GRAMD1C: variants seen among roughly 807,000 people sequenced by gnomAD.
The protein encoded by GRAMD1C is GRAM domain containing 1C, also known as protein Aster-C.
In GRAMD1C, 89 loss-of-function variants were observed where a neutral mutation model predicts 97.8. The observed-to-expected ratio is 0.91, with a 90% CI of 0.77 to 1.09. The LOEUF (loss-of-function observed/expected upper bound fraction) is 1.09. GRAMD1C is among the 50% of genes least tolerant of loss of function. The probability of loss-of-function intolerance (pLI) is 0.00; values close to 1 mark genes in which losing one functional copy is unlikely to be tolerated. For synonymous variants in GRAMD1C, 256 were observed against 267.0 expected, an observed-to-expected ratio of 0.96 and a Z score of 0.40; for missense variants, 740 against 766.4, an observed-to-expected ratio of 0.97 and a Z score of 0.41.
chr3:113,877,472 A>C (rs1011786332), intron 5 of GRAMD1C, among the ~76,000 whole-genome samples: 1 of 152,182 alleles, frequency 6.6e-6, no homozygotes, highest in Non-Finnish European at 1.5e-5. Context: ...ATTTCCTGGA[A>C]GAGCTCTTTC....
chr3:113,874,257 A>C (rs1457507893), intron 3 of GRAMD1C, among the ~76,000 whole-genome samples: 4 of 152,222 alleles, frequency 2.6e-5, no homozygotes, highest in African/African-American at 9.6e-5. Context: ...AGTACAGTTT[A>C]CATTCTCCAC....
chr3:113,849,061 G>C (rs559896014), intron 2 of GRAMD1C, among the ~76,000 whole-genome samples: 4 of 152,012 alleles, frequency 2.6e-5, no homozygotes, highest in Non-Finnish European at 4.4e-5. Flanking sequence ...TATATTCCAT[G>C]TGGATTAAGA....
At chr3:113,885,704 C>CTA in intron 6 of GRAMD1C, 2 of 1,534,730 alleles carry the variant, frequency 1.3e-6, no homozygotes, top group Non-Finnish European at 1.8e-6. Flanking sequence ...GCATGGAGAT[C>CTA]TATGGCTTTG....
intron 2 of GRAMD1C, among the ~76,000 whole-genome samples, chr3:113,866,307 A>C (rs1025400): frequency 0.62 from 94,085 of 152,022 alleles, 29,326 homozygotes; most frequent in Middle Eastern, 0.75. Context: ...ATTATTATGA[A>C]ATCTCTCTTA....
intron 3 of GRAMD1C, among the ~76,000 whole-genome samples, chr3:113,872,391 C>CTTTTTT (rs777339692): frequency 1.1e-4 from 13 of 117,454 alleles, no homozygotes; most frequent in East Asian, 2.4e-4. Context: ...TCTTTTTTTT[C>CTTTTTT]TTTTTTTTTT....
intron 3 of GRAMD1C, among the ~76,000 whole-genome samples, chr3:113,873,163 G>A (rs1357795933): frequency 6.6e-6 from 1 of 150,410 alleles, no homozygotes; most frequent in African/African-American, 2.5e-5. Context: ...GGTAGACTGA[G>A]ACATGAGAAT....
intron 10 of GRAMD1C, among the ~76,000 whole-genome samples, chr3:113,917,536 G>A (rs1033157539): frequency 6.6e-6 from 1 of 151,692 alleles, no homozygotes; most frequent in Non-Finnish European, 1.5e-5. Context: ...TGGCCATGCT[G>A]GTCTCAAACT....
At chr3:113,909,638 G>C (rs968399538) in intron 9 of GRAMD1C, among the ~76,000 whole-genome samples, 4 of 152,142 alleles carry the variant, frequency 2.6e-5, no homozygotes, top group South Asian at 4.1e-4. Context: ...AGACAGCTTA[G>C]CAAGGTTTTT....
intron 10 of GRAMD1C, among the ~76,000 whole-genome samples, chr3:113,927,869 T>TGACTAAGGG: frequency 6.6e-6 from 1 of 152,212 alleles, no homozygotes; most frequent in Admixed American, 6.5e-5. Context: ...GGCAGGACCG[T>TGACTAAGGG]GACCGCTATT....
rs1559769409 is a variant in GRAMD1C at position 113,833,126 on chromosome 3, T to TGTG, written n.98+4847_98+4848insGTG. On this transcript the variant is annotated intron_variant and non_coding_transcript_variant, in intron 1 of 18. Transcript: ENST00000479212. ...TTTCTTTCTTTCTTTCTTTCTTTTT[T>TGTG]TTTTTTTTTGTGTGTGTGCGTGTGT... 3.8e-3 allele frequency among the ~76,000 whole-genome samples: 573 copies of TGTG among 149,668 alleles called. 5 individuals carry two copies. Among genetic ancestry groups the TGTG allele is most frequent in the African/African-American group, 0.013 (530 of 40,780 alleles).
At chr3:113,925,678 G>A (rs1341966356) in intron 10 of GRAMD1C, among the ~76,000 whole-genome samples, 3 of 152,118 alleles carry the variant, frequency 2.0e-5, no homozygotes, top group African/African-American at 7.2e-5. Context: ...TAGTGTCAAT[G>A]GTCTATGTAC....
intron 6 of GRAMD1C, among the ~76,000 whole-genome samples, chr3:113,887,092 T>TTG (rs1231222159): frequency 6.2e-5 from 7 of 113,284 alleles, no homozygotes; most frequent in Non-Finnish European, 1.3e-4. Context: ...TTTGTTTTTT[T>TTG]TTTGTTTTTT....
intron 2 of GRAMD1C, among the ~76,000 whole-genome samples, chr3:113,847,067 A>G (rs946553045): frequency 6.6e-6 from 1 of 152,198 alleles, no homozygotes; most frequent in African/African-American, 2.4e-5. Context: ...ATTTTTTGCT[A>G]TATTTTTTAT....
chr3:113,942,425 A>G (rs951774233), intron 17 of GRAMD1C, among the ~76,000 whole-genome samples: 3 of 150,232 alleles, frequency 2.0e-5, no homozygotes, highest in Admixed American at 2.0e-4. Flanking sequence ...CTCTTTACAT[A>G]TGGATTGGGC....
At chr3:113,885,278 G>A (rs1369087077) in intron 6 of GRAMD1C, 16 of 1,414,920 alleles carry the variant, frequency 1.1e-5, no homozygotes, top group Non-Finnish European at 1.6e-5. Context: ...TCCGGGGCCG[G>A]CGGTGCCGGG....
rs990571486 is a variant in GRAMD1C, at chr3:113,885,270, CG to C, written c.540+2442del. 26 of 1,365,278 alleles carry C rather than the reference CG, an allele frequency of 1.9e-5. No homozygotes were observed. In the African/African-American group the frequency reaches 2.0e-4, roughly 11 times the overall value. The allele number at this position is 1,365,278 out of a possible 1,614,324, so 84.6% of individuals were successfully genotyped here. The stretch of plus-strand genomic sequence containing the variant: ...GGCGGAGCTGGGCCGTGGGGGCCTC[CG>C]GGGCCGGCGGTGCCGGGGTCATCCG... On this transcript the variant is annotated intron_variant, in intron 6 of 17. Coordinates refer to ENST00000358160, the MANE Select transcript of GRAMD1C (RefSeq NM_017577.5).
chr3:113,878,017 C>T (rs182191767), intron 5 of GRAMD1C, among the ~76,000 whole-genome samples: 80 of 152,154 alleles, frequency 5.3e-4, no homozygotes, highest in African/African-American at 1.7e-3. Flanking sequence ...TGACCTCAGG[C>T]GATCCGCTCA....
At chr3:113,911,984 C>T (rs1936617770) in intron 9 of GRAMD1C, among the ~76,000 whole-genome samples, 1 of 152,116 alleles carries the variant, frequency 6.6e-6, no homozygotes, top group Admixed American at 6.6e-5. Flanking sequence ...GCCTCGGCCT[C>T]CCAAAATGCT....
intron 1 of GRAMD1C, among the ~76,000 whole-genome samples, chr3:113,831,756 G>C (rs1709560166): frequency 7.0e-6 from 1 of 142,894 alleles, no homozygotes; most frequent in African/African-American, 2.5e-5. Context: ...TTCAGCTCCA[G>C]AGTTTCTATG....
Sources: gnomAD v4.1 joint callset for allele counts (sites outside exome capture counted in the v4.1 genomes callset) on GRCh38, gnomAD v4.1.1 for gene constraint, MANE v1.5 for transcripts, NCBI Gene and HGNC (gene_info 2026-07-23, HGNC 2026-07-21) for gene names.